RETREG1: variants seen among roughly 807,000 people sequenced by gnomAD.
RETREG1 encodes family with sequence similarity 134 member B.
RETREG1 carries 44 observed loss-of-function variants against 54.8 expected under a neutral mutation model. The observed-to-expected ratio is 0.80, with a 90% CI of 0.63 to 1.03. The LOEUF (loss-of-function observed/expected upper bound fraction) is 1.03, where lower values mean the gene tolerates loss of function less well. Ranked by LOEUF, RETREG1 falls within the 50% of genes least tolerant of loss-of-function variation. RETREG1 has a pLI of 0.00. For synonymous variants in RETREG1, 217 were observed against 238.5 expected, an observed-to-expected ratio of 0.91 and a Z score of 0.83; for missense variants, 554 against 605.1, an observed-to-expected ratio of 0.92 and a Z score of 0.89.
chr5:16,556,211 T>G (rs1414738300), intron 3 of RETREG1, among the ~76,000 whole-genome samples: 1 of 151,456 alleles, frequency 6.6e-6, no homozygotes, highest in Non-Finnish European at 1.5e-5. Context: ...CAGGCTTGAG[T>G]GCAGTGGCGT....
In RETREG1 at chr5:16,566,357, A is replaced by G. The variant is rs547994896; in HGVS notation, c.428-564T>C. Among the ~76,000 whole-genome samples the G allele has an allele frequency of 3.5e-5, 5 of 141,904 alleles. No individual in the cohort carries two copies. The East Asian group carries it at 6.2e-4, about 18-fold the overall frequency. 93.1% of individuals were successfully genotyped at this position (141,904 alleles called of 152,430 possible). A position where few individuals can be genotyped will look rare whatever the true frequency, so the allele number is the denominator to read the frequency against. On this transcript the variant is annotated intron_variant, in intron 2 of 8. Coordinates refer to ENST00000306320, the MANE Select transcript of RETREG1 (RefSeq NM_001034850.3). Reference sequence around the variant, plus strand: ...TTAGGTAGGTGCAAATGAAATCAATATAAAACATAAAATACACACACACAC... The same window carrying G: ...TTAGGTAGGTGCAAATGAAATCAATGTAAAACATAAAATACACACACACAC...
At position 16,583,213 on chromosome 5, in the gene RETREG1, G is replaced by C. The variant is rs538166166; in HGVS notation, c.321-11111C>G. Reference sequence around the variant, plus strand: ...AAATATTTTTTGTCTGAGCACAGTGGCTCACAGCTGTAATCCCAGCACTTT... The same window carrying C: ...AAATATTTTTTGTCTGAGCACAGTGCCTCACAGCTGTAATCCCAGCACTTT... On this transcript the variant is annotated intron_variant, in intron 1 of 8. Transcript: ENST00000306320. Among the ~76,000 whole-genome samples, 191 of 152,200 alleles carry C rather than the reference G, an allele frequency of 1.3e-3. 1 individual carries two copies. Among genetic ancestry groups the C allele is most frequent in the African/African-American group, 3.7e-3 (155 of 41,518 alleles).
chr5:16,605,287 G>A (rs1266550634), intron 1 of RETREG1, among the ~76,000 whole-genome samples: 2 of 152,124 alleles, frequency 1.3e-5, no homozygotes, highest in Non-Finnish European at 1.5e-5. Flanking sequence ...TTAGACTACA[G>A]GTATACCCAT....
chr5:16,616,953 G>T lies in RETREG1; in HGVS notation c.19C>A (p.Pro7Thr), dbSNP rs532140281. Reference sequence around the variant, plus strand: ...GGGCATCCCTCCTCGGCGTGCTCCGGAGGCGCCGGGCTCGCCATCTTCAGC... The same window carrying T: ...GGGCATCCCTCCTCGGCGTGCTCCGTAGGCGCCGGGCTCGCCATCTTCAGC... The part of the protein sequence containing the change: MASPAP[P>T]EHAEEGCPAP... The change falls in exon 1 of 9, where the codon CCG becomes ACG. Residue 7 changes from proline to threonine, a missense_variant. Physicochemically the swap from Pro to Thr is conservative, Grantham distance 38. Coordinates refer to ENST00000306320, the MANE Select transcript of RETREG1 (RefSeq NM_001034850.3). 1.4e-6 allele frequency: 2 copies of T among 1,438,738 alleles called. No individual in the cohort carries two copies. Among genetic ancestry groups the T allele is most frequent in the Admixed American group, 5.2e-5 (2 of 38,604 alleles). 89.1% of individuals were successfully genotyped at this position (1,438,738 alleles called of 1,614,324 possible).
At chr5:16,576,166 G>T (rs1348489534) in intron 1 of RETREG1, among the ~76,000 whole-genome samples, 1 of 152,006 alleles carries the variant, frequency 6.6e-6, no homozygotes, top group African/African-American at 2.4e-5. Context: ...GGGTAATCTT[G>T]TTTCTTCCAT....
intron 1 of RETREG1, among the ~76,000 whole-genome samples, chr5:16,595,277 T>A (rs1742871439): frequency 6.6e-6 from 1 of 152,172 alleles, no homozygotes; most frequent in South Asian, 2.1e-4. Flanking sequence ...ATCTTTTTTT[T>A]AAGCACCGAG....
intron 3 of RETREG1, among the ~76,000 whole-genome samples, chr5:16,552,274 A>G (rs1381022139): frequency 4.6e-5 from 7 of 152,172 alleles, no homozygotes; most frequent in Non-Finnish European, 1.0e-4. Flanking sequence ...CCAACAACTC[A>G]CTAATACCCC....
intron 3 of RETREG1, among the ~76,000 whole-genome samples, chr5:16,526,625 ATTTTGT>A (rs1285492833): frequency 1.3e-5 from 2 of 152,224 alleles, no homozygotes; most frequent in Non-Finnish European, 2.9e-5. Context: ...CAAGGTTTTA[ATTTTGT>A]TTAACAAATA....
intron 1 of RETREG1, among the ~76,000 whole-genome samples, chr5:16,601,341 A>G (rs1743047133): frequency 7.5e-6 from 1 of 133,064 alleles, no homozygotes; most frequent in African/African-American, 2.5e-5. Flanking sequence ...CCCTGTCTCT[A>G]GAAACAAAAT....
intron 3 of RETREG1, among the ~76,000 whole-genome samples, chr5:16,556,664 C>A (rs979472695): frequency 2.3e-4 from 34 of 150,456 alleles, no homozygotes; most frequent in Middle Eastern, 6.8e-3. Flanking sequence ...TCCACTGCTG[C>A]CAGACCCACC....
At position 16,478,929 on chromosome 5, in the gene RETREG1, GT is replaced by G. The variant is rs1435783250; in HGVS notation, c.728del (p.Tyr243SerfsTer9). On this transcript the variant is annotated frameshift_variant, in exon 6 of 9. Transcript: ENST00000306320. LOFTEE classifies it high-confidence loss of function. ...FKCNDIGQKI[Y>X]SKIKSVLLKL... ...TCAGCAGAACTGACTTAATTTTGCT[GT>G]AAATTTTTTGTCCAATATCATTACA... The G allele has an allele frequency of 9.9e-6, 16 of 1,611,810 alleles. No homozygotes were observed. Among genetic ancestry groups the G allele is most frequent in the Non-Finnish European group, 1.4e-5 (16 of 1,178,668 alleles).
At chr5:16,610,986 C>G (rs543216258) in intron 1 of RETREG1, among the ~76,000 whole-genome samples, 8 of 152,294 alleles carry the variant, frequency 5.3e-5, no homozygotes, top group East Asian at 1.9e-4. Context: ...ATTCACAATA[C>G]CAAAGACTTG....
At chr5:16,556,839 A>AT (rs369859145) in intron 3 of RETREG1, among the ~76,000 whole-genome samples, 4 of 151,914 alleles carry the variant, frequency 2.6e-5, no homozygotes, top group African/African-American at 7.2e-5. Flanking sequence ...GTTTCATTTT[A>AT]TTTTTTTTGA....
chr5:16,578,408 A>C (rs1358749411), intron 1 of RETREG1, among the ~76,000 whole-genome samples: 1 of 152,248 alleles, frequency 6.6e-6, no homozygotes, highest in East Asian at 1.9e-4. Context: ...TAATTTTATA[A>C]AATCAAAATT....
intron 3 of RETREG1, among the ~76,000 whole-genome samples, chr5:16,483,922 G>A (rs1738914613): frequency 6.6e-6 from 1 of 152,064 alleles, no homozygotes; most frequent in Non-Finnish European, 1.5e-5. Flanking sequence ...GGAGGGGTAG[G>A]AGGAGACTAG....
At chr5:16,587,636 C>A (rs1192943230) in intron 1 of RETREG1, among the ~76,000 whole-genome samples, 3 of 152,164 alleles carry the variant, frequency 2.0e-5, no homozygotes, top group African/African-American at 7.2e-5. Flanking sequence ...TATACCTGAC[C>A]CTGTCCAGGG....
At chr5:16,614,789 T>C (rs911690750) in intron 1 of RETREG1, among the ~76,000 whole-genome samples, 1 of 152,186 alleles carries the variant, frequency 6.6e-6, no homozygotes, top group Non-Finnish European at 1.5e-5. Context: ...GTTAAGTAAT[T>C]TGAGACATCC....
chr5:16,497,728 C>T (rs571871577), intron 3 of RETREG1, among the ~76,000 whole-genome samples: 1 of 152,288 alleles, frequency 6.6e-6, no homozygotes, highest in East Asian at 1.9e-4. Flanking sequence ...CCATGCATGG[C>T]AGACCACACT....
chr5:16,616,639 C>T lies in RETREG1; in HGVS notation c.320+13G>A. 1.3e-6 allele frequency: 2 copies of T among 1,584,322 alleles called. No individual in the cohort carries two copies. Among genetic ancestry groups the T allele is most frequent in the East Asian group, 4.6e-5 (2 of 43,826 alleles). On this transcript the variant is annotated intron_variant, in intron 1 of 8. Transcript: ENST00000306320. ...TGCCCTCCTCAGCGCCCCCACCTTG[C>T]CCAAGCTCTCACCAGAACAGCAGGT...
Sources: allele counts gnomAD v4.1 joint callset (sites outside exome capture counted in the v4.1 genomes callset), GRCh38; gene constraint gnomAD v4.1.1; transcripts MANE v1.5; gene names NCBI Gene and HGNC (gene_info 2026-07-23, HGNC 2026-07-21).